The following MRAP2 variants were observed in gnomAD, a reference collection of about 807,000 sequenced individuals.
The protein encoded by MRAP2 is melanocortin-2 receptor accessory protein 2.
A neutral mutation model predicts 17.4 loss-of-function variants in MRAP2; 20 were observed. The ratio of observed to expected loss-of-function variants is 1.15; its 90% confidence interval spans 0.81 to 1.67. The LOEUF is 1.67. Among genes scored for constraint, MRAP2 ranks in the 40% most tolerant of loss-of-function variants. The probability of loss-of-function intolerance (pLI) is 0.00; values close to 1 mark genes in which losing one functional copy is unlikely to be tolerated. For missense variants in MRAP2, 238 were observed against 240.0 expected, an observed-to-expected ratio of 0.99 and a Z score of 0.05; for synonymous variants, 96 against 88.4, an observed-to-expected ratio of 1.09 and a Z score of -0.48.
Position 84,055,375 on chromosome 6 carries a change from T to C in MRAP2, c.57T>C (p.Ser19=). The change falls in exon 2 of 4, where the codon TCT becomes TCC. Residue 19 remains serine, a synonymous_variant. Transcript: ENST00000257776. ...CCTCCCAGCAATCGGCATCTAATTC[T>C]GATTACACCTGGGAATATGAATATT... ...NRTSQQSASN[S]DYTWEYEYYE... 6.2e-7 allele frequency: 1 copy of C among 1,613,562 alleles called. No homozygotes were observed. The highest frequency in any genetic ancestry group is 8.5e-7 in the Non-Finnish European group (1 of 1,179,668).
the MRAP2 span, among the ~76,000 whole-genome samples, chr6:84,143,691 T>A: frequency 6.6e-6 from 1 of 152,038 alleles, no homozygotes; most frequent in Non-Finnish European, 1.5e-5. Flanking sequence ...AAACAGAATA[T>A]GTTTATTTTA....
At chr6:84,049,599 A>G (rs1480963329) in intron 1 of MRAP2, among the ~76,000 whole-genome samples, 1 of 152,184 alleles carries the variant, frequency 6.6e-6, no homozygotes, top group African/African-American at 2.4e-5. Flanking sequence ...CCCACTTCTT[A>G]ATTAAGCAAT....
chr6:84,121,625 C>T, the MRAP2 span, among the ~76,000 whole-genome samples: 95 of 152,084 alleles, frequency 6.2e-4, no homozygotes, highest in East Asian at 3.1e-3. Context: ...GCCTGGGTGA[C>T]GGAGTAAGAC....
At chr6:84,143,047 T>C in the MRAP2 span, among the ~76,000 whole-genome samples, 1 of 152,060 alleles carries the variant, frequency 6.6e-6, no homozygotes, top group Non-Finnish European at 1.5e-5. Flanking sequence ...GTTTTATGTT[T>C]GTAAAAAAAA....
At chr6:84,068,026 T>G (rs1490355578) in intron 3 of MRAP2, among the ~76,000 whole-genome samples, 1 of 152,224 alleles carries the variant, frequency 6.6e-6, no homozygotes, top group Non-Finnish European at 1.5e-5. Context: ...GTTTCAGGTC[T>G]TAAATTTAAG....
At position 84,046,609 on chromosome 6, in the gene MRAP2, A is replaced by G. The variant is rs111669908; in HGVS notation, c.-7-8703A>G. 6.4e-3 allele frequency among the ~76,000 whole-genome samples: 967 copies of G among 151,980 alleles called. 16 individuals are homozygous for G. Among genetic ancestry groups the G allele is most frequent in the African/African-American group, 0.022 (904 of 41,426 alleles). ...ATCCTGGCTAACATGGTGAAACCCC[A>G]TCTCTGCTAAAAGTAGAAAAAGTTA... On this transcript the variant is annotated intron_variant, in intron 1 of 3. Transcript: ENST00000257776.
chr6:84,037,547 G>C (rs1461743498), intron 1 of MRAP2, among the ~76,000 whole-genome samples: 1 of 152,210 alleles, frequency 6.6e-6, no homozygotes, highest in Admixed American at 6.5e-5. Context: ...CGTTGGGGAG[G>C]CTCGGGCAGT....
the MRAP2 span, among the ~76,000 whole-genome samples, chr6:84,131,102 T>G: frequency 6.6e-6 from 1 of 152,228 alleles, no homozygotes; most frequent in Non-Finnish European, 1.5e-5. Flanking sequence ...TCTGCCTTCA[T>G]TTCATTATTT....
At chr6:84,100,321 G>A in the MRAP2 span, among the ~76,000 whole-genome samples, 1 of 152,164 alleles carries the variant, frequency 6.6e-6, no homozygotes, top group African/African-American at 2.4e-5. Flanking sequence ...GGAATGCAGT[G>A]GAACAATCGT....
At chr6:84,102,753 C>G in the MRAP2 span, among the ~76,000 whole-genome samples, 5 of 151,700 alleles carry the variant, frequency 3.3e-5, no homozygotes, top group African/African-American at 9.7e-5. Context: ...AGGCTGGGAT[C>G]AGAGTGAGGA....
the MRAP2 span, among the ~76,000 whole-genome samples, chr6:84,107,374 G>A: frequency 6.6e-6 from 1 of 152,054 alleles, no homozygotes; most frequent in Non-Finnish European, 1.5e-5. Flanking sequence ...CAAAACACTG[G>A]ACCCCTAGAA....
At chr6:84,120,423 C>G in the MRAP2 span, among the ~76,000 whole-genome samples, 2 of 152,148 alleles carry the variant, frequency 1.3e-5, no homozygotes, top group Non-Finnish European at 2.9e-5. Flanking sequence ...TAGATCACTT[C>G]TGGAGCTTGA....
the MRAP2 span, among the ~76,000 whole-genome samples, chr6:84,132,992 T>C: frequency 2.0e-5 from 3 of 152,296 alleles, no homozygotes; most frequent in East Asian, 5.8e-4. Flanking sequence ...TTTGTGGTTT[T>C]ATCTACCTTT....
the MRAP2 span, among the ~76,000 whole-genome samples, chr6:84,118,441 G>C: frequency 1.3e-5 from 2 of 152,200 alleles, no homozygotes; most frequent in African/African-American, 4.8e-5. Context: ...AATACTGGCA[G>C]GTGAGGGTGG....
the MRAP2 span, among the ~76,000 whole-genome samples, chr6:84,143,542 A>G: frequency 2.9e-4 from 44 of 152,010 alleles, no homozygotes; most frequent in Admixed American, 2.9e-3. Context: ...TTAAATCTGT[A>G]CTAAAGTAGA....
At chr6:84,084,596 G>A (rs1279010486) in intron 3 of MRAP2, among the ~76,000 whole-genome samples, 1 of 152,204 alleles carries the variant, frequency 6.6e-6, no homozygotes, top group Admixed American at 6.5e-5. Flanking sequence ...GCCATAAGCA[G>A]TGAGTTTGTC....
chr6:84,114,426 A>T, the MRAP2 span, among the ~76,000 whole-genome samples: 1 of 152,052 alleles, frequency 6.6e-6, no homozygotes, highest in African/African-American at 2.4e-5. Context: ...TTTCAGCTCC[A>T]TCAGGTCATT....
intron 1 of MRAP2, chr6:84,052,892 T>C: frequency 1.7e-6 from 1 of 581,588 alleles, no homozygotes; most frequent in Non-Finnish European, 2.2e-6. Context: ...CCTTTGGTAA[T>C]GCCCTTTAGT....
At chr6:84,134,693 C>T in the MRAP2 span, among the ~76,000 whole-genome samples, 692 of 152,242 alleles carry the variant, frequency 4.5e-3, 8 homozygotes, top group African/African-American at 0.016. Flanking sequence ...CTAACCAGTT[C>T]CAATGAGATG....
Sources: allele counts gnomAD v4.1 joint callset (sites outside exome capture counted in the v4.1 genomes callset), GRCh38; gene constraint gnomAD v4.1.1; transcripts MANE v1.5; gene names NCBI Gene and HGNC (gene_info 2026-07-23, HGNC 2026-07-21).